USP37: variants seen among roughly 807,000 people sequenced by gnomAD.
USP37 encodes ubiquitin carboxyl-terminal hydrolase 37.
A neutral mutation model predicts 124.0 loss-of-function variants in USP37; 27 were observed. The observed-to-expected ratio is 0.22, with a 90% CI of 0.16 to 0.30. USP37 has a LOEUF of 0.30. Ranked by LOEUF, USP37 falls within the 10% of genes least tolerant of loss-of-function variation. The pLI is 1.00. For synonymous variants in USP37, 365 were observed against 388.0 expected (o/e 0.94, Z 0.70); for missense variants, 889 against 1,140.4 (o/e 0.78, Z 3.17).
chr2:218,535,151 G>A (rs1020714836), intron 8 of USP37, among the ~76,000 whole-genome samples: 1 of 151,786 alleles, frequency 6.6e-6, no homozygotes, highest in Non-Finnish European at 1.5e-5. Flanking sequence ...AGATCGCGAG[G>A]TCAGGAGTTC....
intron 1 of USP37, among the ~76,000 whole-genome samples, chr2:218,565,387 T>C (rs1005316204): frequency 2.0e-5 from 3 of 152,224 alleles, no homozygotes; most frequent in African/African-American, 4.8e-5. Flanking sequence ...TAAAAAGACC[T>C]ATAAAACAAA....
In USP37 at chr2:218,454,844, T is replaced by C; in HGVS notation, c.*86A>G. 1.3e-6 allele frequency: 2 copies of C among 1,560,942 alleles called. No homozygotes were observed. The highest frequency in any genetic ancestry group is 1.7e-6 in the Non-Finnish European group (2 of 1,157,450). On this transcript the variant is annotated 3_prime_UTR_variant, in exon 26 of 26. Transcript: ENST00000258399. Reference sequence around the variant, plus strand: ...TTGTTGCTCCCGCATCAAGTAGAATTCCAAATTCTCCTTCAGCAGAGGAAA... The same window carrying C: ...TTGTTGCTCCCGCATCAAGTAGAATCCCAAATTCTCCTTCAGCAGAGGAAA...
chr2:218,512,299 G>C (rs775427220), intron 10 of USP37, among the ~76,000 whole-genome samples: 13 of 152,110 alleles, frequency 8.5e-5, no homozygotes, highest in Non-Finnish European at 1.9e-4. Context: ...CTGAGGTCAG[G>C]AGTTTGAGAA....
chr2:218,459,737 G>T, intron 23 of USP37, 53 bp downstream of exon 23: 1 of 1,500,764 alleles, frequency 6.7e-7, no homozygotes, highest in Non-Finnish European at 9.2e-7. Flanking sequence ...AGTAAAGAGT[G>T]GGAAGAGTGA....
intron 9 of USP37, among the ~76,000 whole-genome samples, chr2:218,533,622 A>C (rs112754261): frequency 0.024 from 3,668 of 152,276 alleles, 148 homozygotes; most frequent in African/African-American, 0.084. Flanking sequence ...ATATCTTCTA[A>C]ATATTATTAT....
chr2:218,455,041 T>G (rs1689617466), intron 25 of USP37, 24 bp from the exon 26 acceptor site: 4 of 1,611,276 alleles, frequency 2.5e-6, no homozygotes, highest in Non-Finnish European at 3.4e-6. Flanking sequence ...AAGCAAAAAA[T>G]AAAACTGGAA....
At chr2:218,527,371 A>T (rs770663627) in intron 10 of USP37, among the ~76,000 whole-genome samples, 2 of 152,180 alleles carry the variant, frequency 1.3e-5, no homozygotes, top group African/African-American at 4.8e-5. Flanking sequence ...GAGCTATTCT[A>T]AACACCCAGC....
intron 15 of USP37, chr2:218,485,998 C>A: frequency 2.6e-6 from 1 of 388,462 alleles, no homozygotes. Flanking sequence ...ATGATAGTAA[C>A]TAGACTCTAA....
intron 8 of USP37, among the ~76,000 whole-genome samples, chr2:218,542,285 T>C (rs1692024260): frequency 6.6e-6 from 1 of 152,154 alleles, no homozygotes; most frequent in African/African-American, 2.4e-5. Flanking sequence ...GATGTGATGG[T>C]GTAAAAGTAT....
chr2:218,500,456 C>T (rs1444164833), intron 11 of USP37, among the ~76,000 whole-genome samples: 2 of 151,674 alleles, frequency 1.3e-5, no homozygotes, highest in Admixed American at 1.3e-4. Context: ...GAGGTTTCAT[C>T]ATGTTGATCA....
At chr2:218,529,497 A>G (rs1021581843) in intron 10 of USP37, among the ~76,000 whole-genome samples, 1 of 149,664 alleles carries the variant, frequency 6.7e-6, no homozygotes, top group African/African-American at 2.5e-5. Flanking sequence ...AAAAAAAAAA[A>G]TTCTGTAGAG....
intron 20 of USP37, among the ~76,000 whole-genome samples, chr2:218,469,283 C>A (rs1690541488): frequency 1.3e-5 from 2 of 152,098 alleles, no homozygotes; most frequent in African/African-American, 4.8e-5. Context: ...TTGCCATGGC[C>A]TAGAAGGGGC....
intron 22 of USP37, among the ~76,000 whole-genome samples, chr2:218,462,998 T>A (rs1690096766): frequency 6.6e-6 from 1 of 151,908 alleles, no homozygotes; most frequent in Non-Finnish European, 1.5e-5. Flanking sequence ...TGAAACCCCG[T>A]CTCTACTGAA....
intron 11 of USP37, among the ~76,000 whole-genome samples, chr2:218,502,247 TCATAAA>T (rs1178148016): frequency 6.6e-6 from 1 of 151,164 alleles, no homozygotes; most frequent in East Asian, 2.0e-4. Context: ...GGAAAGGAAA[TCATAAA>T]CATAATGAGA....
chr2:218,526,229 GTTAT>G (rs1233288192), intron 10 of USP37, among the ~76,000 whole-genome samples: 5 of 151,942 alleles, frequency 3.3e-5, no homozygotes, highest in South Asian at 2.1e-4. Flanking sequence ...GGGTTGAATG[GTTAT>G]TTATTTATTT....
intron 10 of USP37, among the ~76,000 whole-genome samples, chr2:218,516,782 C>T (rs1690309493): frequency 6.6e-6 from 1 of 151,582 alleles, no homozygotes; most frequent in East Asian, 2.0e-4. Flanking sequence ...CAAGGTACCC[C>T]CCCTAGTGGA....
chr2:218,467,891 GTT>G (rs1206063613), intron 20 of USP37, among the ~76,000 whole-genome samples: 2 of 139,650 alleles, frequency 1.4e-5, no homozygotes, highest in Non-Finnish European at 1.6e-5. Flanking sequence ...TGTTTTTTTT[GTT>G]TTTTTTTTTT....
chr2:218,550,877 T>C (rs1692633311), intron 5 of USP37, among the ~76,000 whole-genome samples: 1 of 152,260 alleles, frequency 6.6e-6, no homozygotes, highest in East Asian at 1.9e-4. Flanking sequence ...ATTAACTTTG[T>C]CACTCTGGCT....
chr2:218,548,327 G>A (rs945554878), intron 6 of USP37, among the ~76,000 whole-genome samples: 2 of 151,870 alleles, frequency 1.3e-5, no homozygotes, highest in Admixed American at 6.6e-5. Context: ...CCATCCCATA[G>A]TAACAAATAT....
Sources: gnomAD v4.1 joint callset for allele counts (sites outside exome capture counted in the v4.1 genomes callset) on GRCh38, gnomAD v4.1.1 for gene constraint, MANE v1.5 for transcripts, NCBI Gene and HGNC (gene_info 2026-07-23, HGNC 2026-07-21) for gene names.